Variants in MLF1 observed in about 807,000 individuals in gnomAD.
MLF1 encodes the protein myelodysplasia-myeloid leukemia factor 1.
Under a neutral mutation model 38.3 loss-of-function variants are expected in MLF1, and 37 were observed. The ratio of observed to expected loss-of-function variants is 0.96; its 90% CI spans 0.74 to 1.27. The LOEUF is 1.27. Among genes scored for constraint, MLF1 ranks in the 50% most tolerant of loss-of-function variants. MLF1 has a pLI of 0.00. For synonymous variants in MLF1, 95 were observed against 106.5 expected (o/e 0.89, Z 0.66); for missense variants, 331 against 349.2 (o/e 0.95, Z 0.42).
At chr3:158,601,350 A>G (rs1215994585) in intron 6 of MLF1, among the ~76,000 whole-genome samples, 2 of 152,068 alleles carry the variant, frequency 1.3e-5, no homozygotes, top group African/African-American at 2.4e-5. Flanking sequence ...CGGGCAGATC[A>G]CGAGGTCAGG....
At chr3:158,587,598 C>T (rs2108598018) in intron 1 of MLF1, among the ~76,000 whole-genome samples, 1 of 152,326 alleles carries the variant, frequency 6.6e-6, no homozygotes, top group South Asian at 2.1e-4. Context: ...GGTATTCATG[C>T]CTTTATGTAA....
chr3:158,574,505 T>TAAAAAAAAAAAAAAAAAA (rs758915813), intron 1 of MLF1, among the ~76,000 whole-genome samples: 2 of 91,380 alleles, frequency 2.2e-5, no homozygotes, highest in African/African-American at 1.1e-4. Flanking sequence ...CCATCTGTAC[T>TAAAAAAAAAAAAAAAAAA]AAAAAAAAAA....
intron 7 of MLF1, among the ~76,000 whole-genome samples, chr3:158,603,285 C>T (rs2108659905): frequency 6.6e-6 from 1 of 152,196 alleles, no homozygotes; most frequent in African/African-American, 2.4e-5. Flanking sequence ...ATACATTTCA[C>T]ACTGGTAAAG....
chr3:158,594,473 G>GT (rs5853833), intron 3 of MLF1, among the ~76,000 whole-genome samples: 85,351 of 151,892 alleles, frequency 0.56, 24,867 homozygotes, highest in African/African-American at 0.72. Flanking sequence ...TTAGACCGTA[G>GT]AAGGAGAGTA....
intron 1 of MLF1, chr3:158,588,910 C>T: frequency 2.2e-6 from 1 of 456,566 alleles, no homozygotes; most frequent in Non-Finnish European, 4.4e-6. Context: ...GCCCTTGGAA[C>T]TATCATCAGG....
intron 1 of MLF1, among the ~76,000 whole-genome samples, chr3:158,578,004 C>T (rs1402548504): frequency 2.0e-5 from 3 of 152,092 alleles, no homozygotes; most frequent in Non-Finnish European, 4.4e-5. Context: ...TCTTCAGTTT[C>T]TACTATAGGC....
At chr3:158,592,698 T>C (rs1718334847) in intron 2 of MLF1, 117 bp downstream of exon 2, 2 of 830,564 alleles carry the variant, frequency 2.4e-6, no homozygotes, top group South Asian at 2.6e-5. Flanking sequence ...GTTCTAGAAA[T>C]CACTATTATA....
intron 1 of MLF1, among the ~76,000 whole-genome samples, chr3:158,587,820 G>A (rs2108598897): frequency 6.6e-6 from 1 of 152,300 alleles, no homozygotes; most frequent in South Asian, 2.1e-4. Flanking sequence ...CTAACACAGT[G>A]AAACCCCATC....
At chr3:158,575,777 T>C (rs1715331049) in intron 1 of MLF1, among the ~76,000 whole-genome samples, 1 of 152,174 alleles carries the variant, frequency 6.6e-6, no homozygotes, top group African/African-American at 2.4e-5. Context: ...AAAGTAATTA[T>C]CATTTGCATT....
At chr3:158,592,677 C>A in intron 2 of MLF1, 96 bp downstream of exon 2, 2 of 1,012,092 alleles carry the variant, frequency 2.0e-6, no homozygotes, top group Non-Finnish European at 2.8e-6. Context: ...TAGGATATGA[C>A]TAATATTCTT....
At chr3:158,573,904 A>C (rs1478435458) in intron 1 of MLF1, among the ~76,000 whole-genome samples, 1 of 152,132 alleles carries the variant, frequency 6.6e-6, no homozygotes, top group Non-Finnish European at 1.5e-5. Flanking sequence ...TCCCAGGCTC[A>C]AGCGATCCTC....
Position 158,593,364 on chromosome 3 carries a change from T to A in MLF1, c.196-18T>A. 2 of 1,533,824 alleles carry A rather than the reference T, an allele frequency of 1.3e-6. No homozygotes were observed. Among genetic ancestry groups the A allele is most frequent in the Non-Finnish European group, 1.7e-6 (2 of 1,143,732 alleles). ...TAATAAATGTCATAATCAAATGAAT[T>A]GGATATTATTTTTCCAGGCAACGAG... On this transcript the variant is annotated intron_variant, in intron 2 of 7. Coordinates refer to ENST00000466246, the MANE Select transcript of MLF1 (RefSeq NM_001369783.1).
At chr3:158,597,028 AACCATAG>A in intron 4 of MLF1, 83 bp downstream of exon 4, 1 of 795,552 alleles carries the variant, frequency 1.3e-6, no homozygotes, top group Non-Finnish European at 2.0e-6. Flanking sequence ...ACACTTTTTT[AACCATAG>A]TGGTTAAAAA....
At chr3:158,583,511 G>A (rs1004296658) in intron 1 of MLF1, among the ~76,000 whole-genome samples, 9 of 152,220 alleles carry the variant, frequency 5.9e-5, no homozygotes, top group Admixed American at 3.3e-4. Context: ...ATGTCTATTC[G>A]CTCTTATAAT....
intron 1 of MLF1, among the ~76,000 whole-genome samples, chr3:158,578,774 TC>T (rs560988146): frequency 6.6e-6 from 1 of 152,160 alleles, no homozygotes; most frequent in Non-Finnish European, 1.5e-5. Flanking sequence ...AGTACATTTT[TC>T]TTGACCTAAA....
intron 7 of MLF1, 55 bp from the exon 8 acceptor site, chr3:158,605,042 A>G (rs1576698938): frequency 2.3e-6 from 3 of 1,278,086 alleles, no homozygotes; most frequent in Non-Finnish European, 3.3e-6. Context: ...GTATTGATTT[A>G]TAAACCATTG....
At chr3:158,585,305 C>T (rs1197111933) in intron 1 of MLF1, among the ~76,000 whole-genome samples, 1 of 152,064 alleles carries the variant, frequency 6.6e-6, no homozygotes, top group African/African-American at 2.4e-5. Context: ...ACCTCCCCAC[C>T]CCTCTCTTGC....
intron 1 of MLF1, among the ~76,000 whole-genome samples, chr3:158,589,499 C>G (rs112848609): frequency 0.014 from 2,123 of 152,230 alleles, 25 homozygotes; most frequent in Middle Eastern, 0.024. Flanking sequence ...CATGAGCCAC[C>G]GCGCCCAGCC....
intron 1 of MLF1, chr3:158,588,906 G>A (rs79026027): frequency 4.8e-5 from 22 of 456,504 alleles, no homozygotes; most frequent in East Asian, 3.5e-4. Flanking sequence ...AGAAGCCCTT[G>A]GAACTATCAT....
Sources: gnomAD v4.1 joint callset for allele counts (sites outside exome capture counted in the v4.1 genomes callset) on GRCh38, gnomAD v4.1.1 for gene constraint, MANE v1.5 for transcripts, NCBI Gene and HGNC (gene_info 2026-07-23, HGNC 2026-07-21) for gene names.